The following TNK2 variants were observed in gnomAD, a reference collection of about 807,000 sequenced individuals.
TNK2 encodes tyrosine kinase non receptor 2.
Under a neutral mutation model 101.8 loss-of-function variants are expected in TNK2, and 83 were observed. That is an observed-to-expected ratio of 0.82 (90% CI 0.68 to 0.98). TNK2 has a LOEUF of 0.98. TNK2 is among the 50% of genes least tolerant of loss of function. The pLI, the probability that TNK2 is intolerant of heterozygous loss-of-function variation, is 0.00. For synonymous variants in TNK2, 804 were observed against 633.0 expected (o/e 1.27, Z -4.06); for missense variants, 1,665 against 1,483.2 (o/e 1.12, Z -2.01).
chr3:195,897,011 C>A (rs1372831391), intron 1 of TNK2, among the ~76,000 whole-genome samples: 1 of 152,152 alleles, frequency 6.6e-6, no homozygotes, highest in Admixed American at 6.5e-5. Flanking sequence ...TACCTCCCAG[C>A]CCGCCCTCTC....
intron 6 of TNK2, among the ~76,000 whole-genome samples, chr3:195,881,484 C>T (rs986295314): frequency 8.6e-6 from 1 of 116,152 alleles, no homozygotes; most frequent in South Asian, 3.1e-4. Flanking sequence ...CCCTCTAACA[C>T]CCCCCCCAGC....
At chr3:195,877,300 G>A (rs1749949238) in intron 9 of TNK2, among the ~76,000 whole-genome samples, 1 of 152,146 alleles carries the variant, frequency 6.6e-6, no homozygotes, top group Non-Finnish European at 1.5e-5. Context: ...GGGTGAGGGA[G>A]CCGGGCCTGG....
chr3:195,892,922 C>T, intron 1 of TNK2: 2 of 224,704 alleles, frequency 8.9e-6, no homozygotes, highest in Non-Finnish European at 1.5e-5. Context: ...ATGGGGGGGA[C>T]TCTTCCTCCC....
rs530239684 is a variant in TNK2, at chr3:195,885,961, A to G, written c.235-928T>C. ...CCCTGTGCTTCCTCCCAGTAACTAG[A>G]ATTCCTTATGTTTGCAAGCAATGTT... On this transcript the variant is annotated intron_variant, in intron 3 of 15. Coordinates refer to ENST00000672887, the MANE Select transcript of TNK2 (RefSeq NM_001382273.1). The surrounding 1 kb of genome is among the most constrained non-coding windows in gnomAD (Gnocchi z 4.7). 3.7e-4 allele frequency: 68 copies of G among 186,074 alleles called. No homozygotes were observed. The highest frequency in any genetic ancestry group is 6.1e-4 in the Non-Finnish European group (54 of 88,914). The allele number at this position is 186,074 out of a possible 1,614,324, so 11.5% of individuals were successfully genotyped here.
At chr3:195,875,726 G>A (rs1748761642) in intron 9 of TNK2, among the ~76,000 whole-genome samples, 1 of 152,180 alleles carries the variant, frequency 6.6e-6, no homozygotes, top group Non-Finnish European at 1.5e-5. Flanking sequence ...CTACCCGGCC[G>A]TGACTGAAGC....
chr3:195,899,238 C>G (rs1760960914), intron 1 of TNK2, among the ~76,000 whole-genome samples: 1 of 152,188 alleles, frequency 6.6e-6, no homozygotes, highest in Non-Finnish European at 1.5e-5. Flanking sequence ...CATTTCCTAG[C>G]CACAAATGGT....
At chr3:195,896,205 G>A (rs1760471522) in intron 1 of TNK2, 1 of 428,134 alleles carries the variant, frequency 2.3e-6, no homozygotes, top group African/African-American at 2.1e-5. Flanking sequence ...CTCCCCCGGG[G>A]CCCCAAGGCA....
intron 4 of TNK2, chr3:195,883,572 G>T (rs1754236527): frequency 4.4e-6 from 2 of 452,978 alleles, no homozygotes; most frequent in South Asian, 5.5e-5. Flanking sequence ...CAACCAAAAA[G>T]TAAGAGATAA....
At chr3:195,879,242 A>T in intron 6 of TNK2, 67 bp from the exon 7 acceptor site, 1 of 1,595,134 alleles carries the variant, frequency 6.3e-7, no homozygotes, top group African/African-American at 1.3e-5. Context: ...CCAGGGACTT[A>T]AAACACTCAT....
chr3:195,902,061 G>C lies in TNK2; in HGVS notation c.-19+6424C>G, dbSNP rs1004138083. Among the ~76,000 whole-genome samples, 3 of 152,294 alleles carry C rather than the reference G, an allele frequency of 2.0e-5. No individual in the cohort carries two copies. In the East Asian group the frequency reaches 5.8e-4, roughly 29 times the overall value. Reference sequence around the variant, plus strand: ...ACCAGAACAACAATTAAAAAAGGATGTTCTGAATGCCATAGGCCCCTAGGG... The same window carrying C: ...ACCAGAACAACAATTAAAAAAGGATCTTCTGAATGCCATAGGCCCCTAGGG... On this transcript the variant is annotated intron_variant, in intron 1 of 15. Coordinates refer to ENST00000672887, the MANE Select transcript of TNK2 (RefSeq NM_001382273.1).
In TNK2 at chr3:195,888,400, A is replaced by G. The variant is rs1450787723; in HGVS notation, c.163+26T>C. ...GAGGACGGAAAGGGTCAGGGGCAAG[A>G]CAAGCCAGGCCAACATCCCACCTAC... On this transcript the variant is annotated intron_variant, in intron 2 of 15. Transcript: ENST00000672887. The surrounding 1 kb of genome is among the most constrained non-coding windows in gnomAD (Gnocchi z 5.3). 15 of 1,607,474 alleles carry G rather than the reference A, an allele frequency of 9.3e-6. No individual in the cohort carries two copies. In the South Asian group the frequency reaches 1.3e-4, roughly 14 times the overall value.
chr3:195,895,705 C>G (rs1760294023), intron 1 of TNK2: 1 of 752,024 alleles, frequency 1.3e-6, no homozygotes, highest in African/African-American at 1.8e-5. Context: ...CCAGAGCCAC[C>G]AACTGGGGCC....
chr3:195,879,481 GAGA>G (rs1043866247), intron 6 of TNK2: 12 of 256,674 alleles, frequency 4.7e-5, no homozygotes, highest in African/African-American at 2.0e-4. Flanking sequence ...GGGGCAGGGA[GAGA>G]AGATCACAGG....
intron 1 of TNK2, among the ~76,000 whole-genome samples, chr3:195,898,223 A>C (rs1044384451): frequency 2.6e-5 from 4 of 151,876 alleles, no homozygotes; most frequent in Non-Finnish European, 4.4e-5. Flanking sequence ...CACCAGACAC[A>C]CCGGTCGGGC....
intron 1 of TNK2, among the ~76,000 whole-genome samples, chr3:195,904,912 C>G (rs1408513547): frequency 6.6e-6 from 1 of 152,174 alleles, no homozygotes; most frequent in Non-Finnish European, 1.5e-5. Flanking sequence ...TACTGCTAAC[C>G]GATCAATTCT....
intron 1 of TNK2, among the ~76,000 whole-genome samples, chr3:195,902,443 C>A (rs1384937739): frequency 6.6e-6 from 1 of 151,934 alleles, no homozygotes; most frequent in African/African-American, 2.4e-5. Context: ...CATGGTGAAA[C>A]CCCATCTCTA....
At chr3:195,877,524 A>G (rs1750089731) in intron 9 of TNK2, among the ~76,000 whole-genome samples, 1 of 152,276 alleles carries the variant, frequency 6.6e-6, no homozygotes, top group East Asian at 1.9e-4. Flanking sequence ...GATTTCCTCC[A>G]CTTCACTCTT....
chr3:195,873,980 C>T (rs917773640), intron 9 of TNK2, among the ~76,000 whole-genome samples: 2 of 152,128 alleles, frequency 1.3e-5, no homozygotes, highest in Non-Finnish European at 2.9e-5. Flanking sequence ...TACCCCGAGA[C>T]GAGACGAGTC....
At chr3:195,865,943 C>A (rs1446386715) in intron 15 of TNK2, among the ~76,000 whole-genome samples, 1 of 152,198 alleles carries the variant, frequency 6.6e-6, no homozygotes, top group Non-Finnish European at 1.5e-5. Context: ...TGCACAGGGC[C>A]ACGCTGCTGG....
Sources: gnomAD v4.1 joint callset for allele counts (sites outside exome capture counted in the v4.1 genomes callset) on GRCh38, gnomAD v4.1.1 for gene constraint, Gnocchi (gnomAD v3.1) non-coding constraint, MANE v1.5 for transcripts, NCBI Gene and HGNC (gene_info 2026-07-23, HGNC 2026-07-21) for gene names.